YEATS2: variants seen among roughly 807,000 people sequenced by gnomAD.
YEATS2 encodes YEATS domain-containing protein 2.
A neutral mutation model predicts 163.2 loss-of-function variants in YEATS2; 77 were observed. That is an observed-to-expected ratio of 0.47 (90% confidence interval 0.39 to 0.57). YEATS2 has a LOEUF of 0.57. Ranked by LOEUF, YEATS2 falls within the 20% of genes least tolerant of loss-of-function variation. The pLI is 0.00. For synonymous variants in YEATS2, 631 were observed against 645.1 expected, an observed-to-expected ratio of 0.98 and a Z score of 0.33; for missense variants, 1,549 against 1,729.8, an observed-to-expected ratio of 0.90 and a Z score of 1.85.
At chr3:183,803,386 A>G (rs756993033) in intron 26 of YEATS2, 51 bp downstream of exon 26, 2 of 1,489,472 alleles carry the variant, frequency 1.3e-6, no homozygotes, top group African/African-American at 1.4e-5. Context: ...ACCTTGTCTT[A>G]TGGAACAGGG....
At chr3:183,766,539 A>C (rs1394180332) in intron 15 of YEATS2, among the ~76,000 whole-genome samples, 4 of 152,242 alleles carry the variant, frequency 2.6e-5, no homozygotes, top group Non-Finnish European at 5.9e-5. Context: ...AATCGAAGTT[A>C]AGTGTATAAC....
In YEATS2 at chr3:183,721,924, C is replaced by T. The variant is rs756396479; in HGVS notation, c.325C>T (p.His109Tyr). Reference protein sequence around the residue: ...SKTCDTMVFNHPAIKKFLESP... With the variant: ...SKTCDTMVFNYPAIKKFLESP... Reference sequence around the variant, plus strand: ...GACATGTGATACAATGGTTTTTAATCATCCTGCTATCAAGAAATTTTTGGA... The same window carrying T: ...GACATGTGATACAATGGTTTTTAATTATCCTGCTATCAAGAAATTTTTGGA... The change falls in exon 5 of 31, where the codon CAT becomes TAT. Residue 109 changes from histidine (H) to tyrosine (Y), a missense_variant. Coordinates refer to ENST00000305135, the MANE Select transcript of YEATS2 (RefSeq NM_018023.5). 1 of 1,614,092 alleles carries T rather than the reference C, an allele frequency of 6.2e-7. No individual in the cohort carries two copies. The highest frequency in any genetic ancestry group is 8.5e-7 in the Non-Finnish European group (1 of 1,180,010).
intron 1 of YEATS2, among the ~76,000 whole-genome samples, chr3:183,707,907 C>T (rs558234364): frequency 1.1e-4 from 17 of 151,860 alleles, no homozygotes; most frequent in Non-Finnish European, 2.5e-4. Flanking sequence ...AACTCCTGAC[C>T]TCGTGATCCA....
At chr3:183,730,498 G>A (rs1717670431) in intron 7 of YEATS2, among the ~76,000 whole-genome samples, 1 of 152,138 alleles carries the variant, frequency 6.6e-6, no homozygotes, top group Non-Finnish European at 1.5e-5. Context: ...TGAGAACTCT[G>A]CTGCTTCTTT....
chr3:183,794,385 C>T (rs1244079812), intron 21 of YEATS2, among the ~76,000 whole-genome samples: 1 of 152,202 alleles, frequency 6.6e-6, no homozygotes, highest in Non-Finnish European at 1.5e-5. Flanking sequence ...CATTGAGCTT[C>T]TCAGTGGCAG....
intron 21 of YEATS2, 152 bp downstream of exon 21, chr3:183,791,132 C>G (rs1724593483): frequency 3.8e-6 from 4 of 1,055,670 alleles, no homozygotes; most frequent in Non-Finnish European, 5.3e-6. Flanking sequence ...CTTCCAGGCT[C>G]AAGCCATCCT....
At chr3:183,766,447 T>C (rs1215642675) in intron 15 of YEATS2, among the ~76,000 whole-genome samples, 3 of 152,196 alleles carry the variant, frequency 2.0e-5, no homozygotes, top group African/African-American at 7.2e-5. Flanking sequence ...TCCCCTTCAG[T>C]TTGCTGAAGT....
At chr3:183,704,454 T>C (rs924846941) in intron 1 of YEATS2, among the ~76,000 whole-genome samples, 1 of 152,124 alleles carries the variant, frequency 6.6e-6, no homozygotes, top group Admixed American at 6.6e-5. Flanking sequence ...TTAAATAGTC[T>C]GTTACTTTAG....
At chr3:183,734,652 A>G (rs573613199) in intron 7 of YEATS2, among the ~76,000 whole-genome samples, 5 of 152,338 alleles carry the variant, frequency 3.3e-5, no homozygotes, top group African/African-American at 1.2e-4. Flanking sequence ...TGCAGGAGGT[A>G]GAAGAAGTCA....
chr3:183,712,224 T>G (rs1715322803), intron 1 of YEATS2, among the ~76,000 whole-genome samples: 121 of 133,020 alleles, frequency 9.1e-4, no homozygotes, highest in African/African-American at 4.6e-3. Context: ...TTTATTTTAT[T>G]TTTTGAGACA....
At chr3:183,724,607 C>G in intron 6 of YEATS2, 76 bp downstream of exon 6, 1 of 989,462 alleles carries the variant, frequency 1.0e-6, no homozygotes, top group African/African-American at 1.7e-5. Context: ...TACAGTGTTA[C>G]AGTAGGAAGC....
rs780449427 is a variant in YEATS2, at chr3:183,717,788, G to GA, written c.198+47dup. The GA allele has an allele frequency of 4.1e-6, 5 of 1,228,160 alleles. No homozygotes were observed. In the Admixed American group the frequency reaches 1.2e-4, roughly 29 times the overall value. The allele number at this position is 1,228,160 out of a possible 1,614,324, so 76.1% of individuals were successfully genotyped here. A position where few individuals can be genotyped will look rare whatever the true frequency, so the allele number is the denominator to read the frequency against. On this transcript the variant is annotated intron_variant, in intron 3 of 30. Coordinates refer to ENST00000305135, the MANE Select transcript of YEATS2 (RefSeq NM_018023.5). Reference sequence around the variant, plus strand: ...AATTGAAATAAACACCAAAGCTATTGAAAAAAATGTATACATGATTGAAAA... The same window carrying GA: ...AATTGAAATAAACACCAAAGCTATTGAAAAAAAATGTATACATGATTGAAAA...
rs760955836 is a variant in YEATS2, at chr3:183,777,565, A to G, written c.2601A>G (p.Pro867=). 5.0e-6 allele frequency: 8 copies of G among 1,613,122 alleles called. No individual in the cohort carries two copies. Among genetic ancestry groups the G allele is most frequent in the Non-Finnish European group, 5.9e-6 (7 of 1,179,794 alleles). Residue 867 remains proline (P), a synonymous_variant, in exon 19 of 31, where the codon CCA becomes CCG. Coordinates refer to ENST00000305135, the MANE Select transcript of YEATS2 (RefSeq NM_018023.5). Reference sequence around the variant, plus strand: ...AGGGCACATTTTTAGTTGGCCAGCCATCACCCCAGACTTCTGGAAAACAAC... The same window carrying G: ...AGGGCACATTTTTAGTTGGCCAGCCGTCACCCCAGACTTCTGGAAAACAAC... ...TPQGTFLVGQ[P]SPQTSGKQLT...
At chr3:183,762,401 A>G (rs1721459661) in intron 15 of YEATS2, 122 bp downstream of exon 15, 1 of 1,268,250 alleles carries the variant, frequency 7.9e-7, no homozygotes. Context: ...CCTGTGGGTG[A>G]AAGCCTAGTT....
chr3:183,806,987 A>G lies in YEATS2; in HGVS notation c.3906A>G (p.Pro1302=). 6.2e-7 allele frequency: 1 copy of G among 1,614,210 alleles called. No homozygotes were observed. The highest frequency in any genetic ancestry group is 8.5e-7 in the Non-Finnish European group (1 of 1,180,040). Residue 1302 remains proline (P), a synonymous_variant, in exon 28 of 31, where the codon CCA becomes CCG. Transcript: ENST00000305135. ...EEVDILSLSE[P]VKINIKKEQE... ...TGGACATCCTCAGCCTCTCCGAGCC[A>G]GTGAAGATAAACATCAAGAAGGAGC...
chr3:183,712,935 A>G (rs1715426319), intron 1 of YEATS2, among the ~76,000 whole-genome samples: 2 of 151,790 alleles, frequency 1.3e-5, no homozygotes, highest in African/African-American at 4.8e-5. Context: ...TAATTTTTGT[A>G]TTTTTAGTGG....
intron 7 of YEATS2, 77 bp from the exon 8 acceptor site, chr3:183,736,641 G>T: frequency 1.0e-6 from 1 of 954,716 alleles, no homozygotes; most frequent in Non-Finnish European, 1.5e-6. Context: ...TCTGATTTAT[G>T]CATTATCAGG....
chr3:183,713,071 C>T (rs1036331702), intron 1 of YEATS2, among the ~76,000 whole-genome samples: 3 of 152,206 alleles, frequency 2.0e-5, no homozygotes, highest in South Asian at 2.1e-4. Context: ...ATGGCCTGTA[C>T]AGGCCGCTAA....
chr3:183,729,435 A>G lies in YEATS2; in HGVS notation c.812+584A>G, dbSNP rs145531390. ...TATATAGATACAGATGCATATGAAA[A>G]TGTTACTTCTTTTTATGAATATCAG... On this transcript the variant is annotated intron_variant, in intron 7 of 30. Coordinates refer to ENST00000305135, the MANE Select transcript of YEATS2 (RefSeq NM_018023.5). Among the ~76,000 whole-genome samples the G allele has an allele frequency of 1.0e-3, 155 of 152,286 alleles. 1 individual carries two copies. The highest frequency in any genetic ancestry group is 2.6e-3 in the African/African-American group (106 of 41,556).
Sources: allele counts gnomAD v4.1 joint callset (sites outside exome capture counted in the v4.1 genomes callset), GRCh38; gene constraint gnomAD v4.1.1; transcripts MANE v1.5; gene names NCBI Gene and HGNC (gene_info 2026-07-23, HGNC 2026-07-21).